ZNF717: variants seen among roughly 807,000 people sequenced by gnomAD.
ZNF717 encodes the protein krueppel-like factor X17.
ZNF717 carries 9 observed loss-of-function variants against 13.8 expected under a neutral mutation model. That is an observed-to-expected ratio of 0.65 (90% CI 0.39 to 1.14). The LOEUF is 1.14. ZNF717 is among the 50% of genes most tolerant of loss of function. The pLI is 0.01. For synonymous variants in ZNF717, 327 were observed against 364.1 expected, an observed-to-expected ratio of 0.90 and a Z score of 1.16; for missense variants, 1,040 against 1,080.7, an observed-to-expected ratio of 0.96 and a Z score of 0.53.
intron 2 of ZNF717, among the ~76,000 whole-genome samples, chr3:75,752,665 A>G (rs1446678959): frequency 6.6e-6 from 1 of 150,752 alleles, no homozygotes; most frequent in Non-Finnish European, 1.5e-5. Flanking sequence ...ATTCCAGAAC[A>G]CTGCTACAAG....
At chr3:75,702,569 G>T (rs1937717262) in intron 6 of ZNF717, among the ~76,000 whole-genome samples, 1 of 152,300 alleles carries the variant, frequency 6.6e-6, no homozygotes, top group Non-Finnish European at 1.5e-5. Context: ...AGCACAACAG[G>T]GTGATTATAG....
At chr3:75,745,023 G>A (rs1327856439) in intron 2 of ZNF717, among the ~76,000 whole-genome samples, 6 of 152,050 alleles carry the variant, frequency 3.9e-5, no homozygotes, top group African/African-American at 7.2e-5. Context: ...CGGGGTCTGT[G>A]TGTTTGTCCC....
intron 2 of ZNF717, among the ~76,000 whole-genome samples, chr3:75,775,287 T>C (rs1467674753): frequency 6.6e-6 from 1 of 152,252 alleles, no homozygotes; most frequent in East Asian, 1.9e-4. Context: ...TAAGTTATTG[T>C]AGACCACACA....
intron 5 of ZNF717, among the ~76,000 whole-genome samples, chr3:75,713,678 C>A (rs1226494094): frequency 6.6e-6 from 1 of 151,914 alleles, no homozygotes; most frequent in Non-Finnish European, 1.5e-5. Context: ...AATGTAGGGA[C>A]CAGCCCCACA....
intron 2 of ZNF717, among the ~76,000 whole-genome samples, chr3:75,773,269 G>C (rs992177113): frequency 5.3e-5 from 8 of 152,238 alleles, no homozygotes; most frequent in African/African-American, 1.9e-4. Flanking sequence ...GTAAAAATAG[G>C]ATCCTTAATT....
intron 4 of ZNF717, among the ~76,000 whole-genome samples, chr3:75,721,340 C>G (rs2918480): frequency 0.84 from 127,102 of 152,192 alleles, 53,067 homozygotes; most frequent in East Asian, 0.89. Context: ...GGATTGCAGT[C>G]GCACGATCTC....
downstream of ZNF717, among the ~76,000 whole-genome samples, chr3:75,728,464 C>CATTG (rs1392648342): frequency 4.6e-5 from 7 of 152,204 alleles, no homozygotes; most frequent in Non-Finnish European, 1.0e-4. Flanking sequence ...GGAAAACATT[C>CATTG]ATTGATACGG....
chr3:75,722,722 G>A (rs1337482724), intron 4 of ZNF717, among the ~76,000 whole-genome samples: 1 of 146,926 alleles, frequency 6.8e-6, no homozygotes, highest in East Asian at 2.0e-4. Context: ...GCGGAGGCAG[G>A]AGAATCGCTT....
chr3:75,750,054 C>T (rs1409311300), intron 2 of ZNF717, among the ~76,000 whole-genome samples: 5 of 151,426 alleles, frequency 3.3e-5, no homozygotes, highest in Admixed American at 6.6e-5. Flanking sequence ...AACACTGCTA[C>T]GAGGGTCTGA....
intron 2 of ZNF717, among the ~76,000 whole-genome samples, chr3:75,773,367 A>C (rs1438071080): frequency 6.6e-6 from 1 of 152,246 alleles, no homozygotes; most frequent in Non-Finnish European, 1.5e-5. Context: ...ACTAAAGATA[A>C]CTTACAGTGG....
intron 2 of ZNF717, among the ~76,000 whole-genome samples, chr3:75,742,610 C>T (rs1244790904): frequency 6.6e-6 from 1 of 152,164 alleles, no homozygotes; most frequent in African/African-American, 2.4e-5. Flanking sequence ...AGAGAACACA[C>T]ACCACTTTAA....
In ZNF717 at chr3:75,765,687, C is replaced by T. The variant is rs375920574; in HGVS notation, c.57+17619G>A. ...CTGGCTTCCCACAGAGCTGAGATTA[C>T]GAGCATGAGCCACCATGCCCAGCCT... On this transcript the variant is annotated intron_variant, in intron 2 of 4. Transcript: ENST00000652011. 9.2e-4 allele frequency among the ~76,000 whole-genome samples: 135 copies of T among 147,416 alleles called. 2 individuals carry two copies. In the South Asian group the frequency reaches 0.017, roughly 19 times the overall value.
chr3:75,720,043 C>A (rs1252479227), intron 4 of ZNF717, among the ~76,000 whole-genome samples: 1 of 151,640 alleles, frequency 6.6e-6, no homozygotes, highest in African/African-American at 2.4e-5. Context: ...AATGCCTATA[C>A]ACTCTTGGTA....
downstream of ZNF717, among the ~76,000 whole-genome samples, chr3:75,734,317 T>C (rs188953630): frequency 8.8e-4 from 134 of 151,940 alleles, 2 homozygotes; most frequent in South Asian, 0.028. Context: ...GATCCACCCA[T>C]CTCGGCCTCC....
chr3:75,731,931 A>G, downstream of ZNF717: 1 of 624,412 alleles, frequency 1.6e-6, no homozygotes, highest in Non-Finnish European at 2.9e-6. Flanking sequence ...CCACCTTAGG[A>G]ACCAGTGCTG....
intron 2 of ZNF717, among the ~76,000 whole-genome samples, chr3:75,757,655 G>C (rs1942609031): frequency 1.3e-5 from 2 of 152,154 alleles, no homozygotes; most frequent in Non-Finnish European, 1.5e-5. Flanking sequence ...CAACTTTCAA[G>C]TCTTATCACT....
At chr3:75,699,246 T>G (rs1423080806) in intron 6 of ZNF717, among the ~76,000 whole-genome samples, 1 of 152,308 alleles carries the variant, frequency 6.6e-6, no homozygotes. Flanking sequence ...ACTTTTGACT[T>G]TTCAGTTAAG....
At chr3:75,714,913 T>A (rs1183213589) in intron 5 of ZNF717, among the ~76,000 whole-genome samples, 4 of 152,204 alleles carry the variant, frequency 2.6e-5, no homozygotes, top group African/African-American at 7.2e-5. Context: ...ACAAAATACA[T>A]GTGTATATGC....
intron 5 of ZNF717, among the ~76,000 whole-genome samples, chr3:75,714,392 C>A (rs779946487): frequency 2.0e-4 from 31 of 152,026 alleles, no homozygotes; most frequent in Non-Finnish European, 4.4e-4. Context: ...CTCACTATGT[C>A]CCCTCAGCTC....
Sources: allele counts gnomAD v4.1 joint callset (sites outside exome capture counted in the v4.1 genomes callset), GRCh38; gene constraint gnomAD v4.1.1; transcripts MANE v1.5; gene names NCBI Gene and HGNC (gene_info 2026-07-23, HGNC 2026-07-21).